The following ZNF600 variants were observed in gnomAD, a reference collection of about 807,000 sequenced individuals.
ZNF600 encodes the protein zinc finger protein KR-ZNF1.
A neutral mutation model predicts 7.3 loss-of-function variants in ZNF600; 4 were observed. That is an observed-to-expected ratio of 0.55 (90% CI 0.27 to 1.25). The LOEUF (loss-of-function observed/expected upper bound fraction) is 1.25, where lower values mean the gene tolerates loss of function less well. Ranked by LOEUF, ZNF600 falls within the 50% of genes most tolerant of loss-of-function variation. The pLI is 0.12. For missense variants in ZNF600, 911 were observed against 922.1 expected (o/e 0.99, Z 0.16); for synonymous variants, 290 against 308.9 (o/e 0.94, Z 0.64).
the ZNF600 span, among the ~76,000 whole-genome samples, chr19:52,813,324 GT>G: frequency 2.7e-5 from 4 of 148,958 alleles, no homozygotes; most frequent in African/African-American, 9.8e-5. Context: ...GGAGGGACCT[GT>G]TTTGGGGAGC....
At chr19:52,776,897 G>A (rs1217312670) in intron 2 of ZNF600, among the ~76,000 whole-genome samples, 2 of 152,078 alleles carry the variant, frequency 1.3e-5, no homozygotes, top group Non-Finnish European at 2.9e-5. Context: ...GAGAGGCTGA[G>A]GCAACAGAAT....
chr19:52,801,484 C>A, the ZNF600 span: 46 of 1,614,124 alleles, frequency 2.8e-5, no homozygotes, highest in East Asian at 8.2e-4. Flanking sequence ...CCTGTACTAC[C>A]AGTCAACTCT....
chr19:52,786,769 C>T (rs896854800), exon 1 of ZNF600: 1 of 290,994 alleles, frequency 3.4e-6, no homozygotes, highest in Non-Finnish European at 7.2e-6. Context: ...GATCCGCTTC[C>T]GGGTTTGTGC....
At chr19:52,796,353 A>G in the ZNF600 span, among the ~76,000 whole-genome samples, 1 of 152,044 alleles carries the variant, frequency 6.6e-6, no homozygotes, top group Non-Finnish European at 1.5e-5. Context: ...AAACATATAC[A>G]TTGTTCCGGT....
chr19:52,800,158 T>C, the ZNF600 span: 1 of 1,613,724 alleles, frequency 6.2e-7, no homozygotes, highest in South Asian at 1.1e-5. Context: ...ATGTGTGATT[T>C]GCGACTGAAA....
the ZNF600 span, among the ~76,000 whole-genome samples, chr19:52,812,380 T>A: frequency 1.4e-5 from 2 of 139,536 alleles, no homozygotes; most frequent in Admixed American, 7.0e-5. Flanking sequence ...TCTGTGTGGA[T>A]AGAAGTAGAC....
At position 52,778,472 on chromosome 19, in the gene ZNF600, A is replaced by G. The variant is rs547778879; in HGVS notation, c.63+354T>C. The stretch of plus-strand genomic sequence containing the variant: ...CTGTGTACACTAACATATGTATTTC[A>G]TATGTAGTTTCTCTGATCTGGTCCA... On this transcript the variant is annotated intron_variant, in intron 2 of 3. Coordinates refer to ENST00000648973, the Ensembl canonical transcript of ZNF600. 2.6e-5 allele frequency among the ~76,000 whole-genome samples: 4 copies of G among 152,228 alleles called. No individual in the cohort carries two copies. The East Asian group carries it at 7.7e-4, about 29-fold the overall frequency.
the ZNF600 span, among the ~76,000 whole-genome samples, chr19:52,827,758 G>C: frequency 6.6e-6 from 1 of 151,818 alleles, no homozygotes; most frequent in African/African-American, 2.4e-5. Flanking sequence ...TGTTAGCCAG[G>C]ATGGTCTCGA....
intron 1 of ZNF600, among the ~76,000 whole-genome samples, chr19:52,781,931 T>C (rs1199961202): frequency 1.3e-5 from 2 of 151,936 alleles, no homozygotes; most frequent in African/African-American, 4.8e-5. Context: ...CGTAGGGGTG[T>C]ATGCCTGTAA....
At chr19:52,803,091 T>G in the ZNF600 span, among the ~76,000 whole-genome samples, 1 of 151,796 alleles carries the variant, frequency 6.6e-6, no homozygotes, top group African/African-American at 2.4e-5. Flanking sequence ...TGTATTTTTA[T>G]TTTTTTGAGA....
intron 3 of ZNF600, among the ~76,000 whole-genome samples, chr19:52,770,545 G>T (rs1378145918): frequency 6.6e-6 from 1 of 152,186 alleles, no homozygotes; most frequent in African/African-American, 2.4e-5. Flanking sequence ...TTACATTTGT[G>T]CATTCCCCAT....
chr19:52,801,647 T>C, the ZNF600 span: 1 of 1,613,500 alleles, frequency 6.2e-7, no homozygotes, highest in Non-Finnish European at 8.5e-7. Context: ...GGAACGCTTC[T>C]GTATTGCCTT....
At chr19:52,786,628 G>A (rs1686067231) in exon 1 of ZNF600, 2 of 195,086 alleles carry the variant, frequency 1.0e-5, no homozygotes, top group African/African-American at 2.3e-5. Flanking sequence ...GTGAAGGGAA[G>A]ACAGGCGAGA....
intron 3 of ZNF600, among the ~76,000 whole-genome samples, chr19:52,771,259 C>G (rs185508688): frequency 1.3e-5 from 2 of 152,226 alleles, no homozygotes; most frequent in Non-Finnish European, 2.9e-5. Context: ...AGGAGCCAAT[C>G]TAGCTGACAT....
chr19:52,795,789 T>C, the ZNF600 span, among the ~76,000 whole-genome samples: 2 of 151,954 alleles, frequency 1.3e-5, no homozygotes, highest in African/African-American at 4.8e-5. Flanking sequence ...TGTTCTCAAA[T>C]ACCTTGCCTC....
chr19:52,786,535 G>T (rs563066687), intron 1 of ZNF600, 60 bp downstream of exon 1: 1 of 166,262 alleles, frequency 6.0e-6, no homozygotes. Flanking sequence ...GAAAGACCGG[G>T]GACGGGACCA....
At chr19:52,799,500 T>A in the ZNF600 span, 1 of 1,112,216 alleles carries the variant, frequency 9.0e-7, no homozygotes, top group Non-Finnish European at 1.3e-6. Flanking sequence ...ATTAAAAACC[T>A]TGCCACATTC....
At chr19:52,769,045 A>T (rs546437922) in intron 3 of ZNF600, among the ~76,000 whole-genome samples, 1 of 152,064 alleles carries the variant, frequency 6.6e-6, no homozygotes, top group African/African-American at 2.4e-5. Flanking sequence ...CCACCAGAGG[A>T]CTCCTTGGTC....
the ZNF600 span, among the ~76,000 whole-genome samples, chr19:52,808,412 C>T: frequency 2.0e-4 from 31 of 152,102 alleles, no homozygotes; most frequent in Non-Finnish European, 3.5e-4. Context: ...TATAGACACA[C>T]CAAGTGACAT....
Sources: gnomAD v4.1 joint callset for allele counts (sites outside exome capture counted in the v4.1 genomes callset) on GRCh38, gnomAD v4.1.1 for gene constraint, MANE v1.5 for transcripts, NCBI Gene and HGNC (gene_info 2026-07-23, HGNC 2026-07-21) for gene names.